The following PER3 variants were observed in gnomAD, a reference collection of about 807,000 sequenced individuals.
PER3 encodes the protein period circadian protein homolog 3.
Under a neutral mutation model 127.2 loss-of-function variants are expected in PER3, and 107 were observed. The observed-to-expected ratio is 0.84, with a 90% CI of 0.72 to 0.99. The LOEUF is 0.99. Among genes scored for constraint, PER3 ranks in the 50% least tolerant of loss-of-function variants. PER3 has a pLI of 0.00. For missense variants in PER3, 1,560 were observed against 1,525.8 expected (o/e 1.02, Z -0.37); for synonymous variants, 618 against 585.8 (o/e 1.05, Z -0.79).
At chr1:7,818,994 G>A (rs140262742) in intron 13 of PER3, among the ~76,000 whole-genome samples, 46 of 152,170 alleles carry the variant, frequency 3.0e-4, no homozygotes, top group Admixed American at 5.2e-4. Flanking sequence ...TTAAACCTAT[G>A]GTTTCATTCC....
Position 7,826,263 on chromosome 1 carries a change from TATTG to T in PER3, c.1958-213_1958-210del, listed in dbSNP as rs1280718804. Reference sequence around the variant, plus strand: ...AGCAAGATTTAAATAAATGTGTGCATATTGATTATCACAACTGTAAAATGTATGT... The same window carrying T: ...AGCAAGATTTAAATAAATGTGTGCATATTATCACAACTGTAAAATGTATGT... On this transcript the variant is annotated intron_variant, in intron 16 of 21. Transcript: ENST00000377532. This position sits in a 1 kb window ranked among gnomAD's most constrained non-coding sequence, Gnocchi z 4.2. Among the ~76,000 whole-genome samples, 14 of 152,218 alleles carry T rather than the reference TATTG, an allele frequency of 9.2e-5. No individual in the cohort carries two copies. The highest frequency in any genetic ancestry group is 1.9e-4 in the East Asian group (1 of 5,200).
At position 7,786,662 on chromosome 1, in the gene PER3, T is replaced by C. The variant is rs2097092456; in HGVS notation, c.275-59T>C. 6 of 868,948 alleles carry C rather than the reference T, an allele frequency of 6.9e-6. No individual in the cohort carries two copies. In the Middle Eastern group the frequency reaches 8.7e-4, roughly 126 times the overall value. The allele number at this position is 868,948 out of a possible 1,614,324, so 53.8% of individuals were successfully genotyped here. A position where few individuals can be genotyped will look rare whatever the true frequency, so the allele number is the denominator to read the frequency against. On this transcript the variant is annotated intron_variant, in intron 3 of 21. Coordinates refer to ENST00000377532, the MANE Select transcript of PER3 (RefSeq NM_001377275.1). ...ATAATCCAGCTTGATAGTGATGAAATGGTTTCCTAAAGATACTGTTGTCAC... is the reference window on the plus strand; with the variant it reads ...ATAATCCAGCTTGATAGTGATGAAACGGTTTCCTAAAGATACTGTTGTCAC...
Position 7,827,762 on chromosome 1 carries a change from C to T in PER3, c.2833C>T (p.Pro945Ser), listed in dbSNP as rs368825146. 1.2e-6 allele frequency: 2 copies of T among 1,614,036 alleles called. No homozygotes were observed. The highest frequency in any genetic ancestry group is 1.7e-6 in the Non-Finnish European group (2 of 1,180,034). Residue 945 changes from proline to serine, a missense_variant, in exon 18 of 22, where the codon CCC (proline) becomes TCC (serine). Coordinates refer to ENST00000377532, the MANE Select transcript of PER3 (RefSeq NM_001377275.1). ...LNLLQEEMPR[P>S]SESPDQMRRN... ...CTTACTTCAGGAAGAGATGCCCAGA[C>T]CCTCTGAATCTCCAGATCAGATGAG...
At chr1:7,821,708 A>T (rs367653416) in intron 16 of PER3, among the ~76,000 whole-genome samples, 30 of 152,314 alleles carry the variant, frequency 2.0e-4, no homozygotes, top group African/African-American at 5.5e-4. Context: ...TATATGCTTT[A>T]GGAAATTTTT....
intron 13 of PER3, among the ~76,000 whole-genome samples, chr1:7,816,913 A>G (rs2097254134): frequency 6.6e-6 from 1 of 152,268 alleles, no homozygotes; most frequent in Admixed American, 6.5e-5. Flanking sequence ...GAAACAACCC[A>G]AATGTCATTC....
intron 10 of PER3, among the ~76,000 whole-genome samples, chr1:7,806,223 TCA>T (rs2097191942): frequency 6.6e-6 from 1 of 152,168 alleles, no homozygotes; most frequent in Admixed American, 6.5e-5. Flanking sequence ...TGTATCTCTC[TCA>T]GTCCTTCCCA....
At chr1:7,808,792 G>A in intron 10 of PER3, 101 bp from the exon 11 acceptor site, 1 of 680,334 alleles carries the variant, frequency 1.5e-6, no homozygotes, top group Non-Finnish European at 2.6e-6. Context: ...TCAAAGAATT[G>A]TTTTGTAAAA....
chr1:7,795,536 G>A (rs1033429959), intron 6 of PER3, among the ~76,000 whole-genome samples: 8 of 152,230 alleles, frequency 5.3e-5, no homozygotes, highest in Non-Finnish European at 2.9e-5. Context: ...GGGGTGGCAA[G>A]TGTCTGAGAA....
intron 3 of PER3, among the ~76,000 whole-genome samples, chr1:7,785,872 T>G (rs2097086574): frequency 6.6e-6 from 1 of 152,240 alleles, no homozygotes; most frequent in African/African-American, 2.4e-5. Flanking sequence ...AGGCTGACCT[T>G]TTAAAGAAAT....
intron 13 of PER3, among the ~76,000 whole-genome samples, chr1:7,817,496 C>T (rs763747304): frequency 3.9e-5 from 6 of 152,150 alleles, no homozygotes; most frequent in Non-Finnish European, 8.8e-5. Context: ...TTGGTGTATT[C>T]GTTTCCCACC....
intron 6 of PER3, among the ~76,000 whole-genome samples, chr1:7,795,098 T>TG (rs909466217): frequency 1.2e-4 from 18 of 151,778 alleles, no homozygotes; most frequent in African/African-American, 4.1e-4. Flanking sequence ...TCTGGATGCT[T>TG]GGGGGGGACG....
intron 5 of PER3, among the ~76,000 whole-genome samples, chr1:7,793,410 T>C (rs2097130713): frequency 6.6e-6 from 1 of 152,218 alleles, no homozygotes. Flanking sequence ...CTCTGAAGAT[T>C]GGTACAGTTT....
chr1:7,832,923 C>T (rs1577947619), intron 19 of PER3, among the ~76,000 whole-genome samples: 3 of 151,612 alleles, frequency 2.0e-5, no homozygotes, highest in Non-Finnish European at 4.4e-5. Flanking sequence ...ACTGCACCCT[C>T]AAACTTCTGG....
Position 7,838,951 on chromosome 1 carries a change from G to A in PER3, c.3549+1802G>A, listed in dbSNP as rs906003962. On this transcript the variant is annotated intron_variant, in intron 21 of 21. Coordinates refer to ENST00000377532, the MANE Select transcript of PER3 (RefSeq NM_001377275.1). ...CCCATTTACATTTAAAGTAATTACTGGTAAAGAAGGACTTACTTGTGGCAT... is the reference window on the plus strand; with the variant it reads ...CCCATTTACATTTAAAGTAATTACTAGTAAAGAAGGACTTACTTGTGGCAT... Among the ~76,000 whole-genome samples, 8 of 150,826 alleles carry A rather than the reference G, an allele frequency of 5.3e-5. No homozygotes were observed. In the East Asian group the frequency reaches 5.8e-4, roughly 11 times the overall value.
intron 10 of PER3, 34 bp from the exon 11 acceptor site, chr1:7,808,859 T>A (rs1474785979): frequency 9.5e-7 from 1 of 1,057,508 alleles, no homozygotes; most frequent in Non-Finnish European, 1.5e-6. Flanking sequence ...TCATTTAAAT[T>A]GTTTGACTCA....
At chr1:7,832,189 C>T (rs2097334302) in intron 19 of PER3, among the ~76,000 whole-genome samples, 2 of 151,840 alleles carry the variant, frequency 1.3e-5, no homozygotes, top group African/African-American at 4.8e-5. Context: ...ATTCCCTTTT[C>T]CTTTTAATGT....
intron 6 of PER3, among the ~76,000 whole-genome samples, 169 bp downstream of exon 6, chr1:7,794,177 A>G (rs2097134792): frequency 6.6e-6 from 1 of 152,208 alleles, no homozygotes; most frequent in Non-Finnish European, 1.5e-5. Flanking sequence ...AGACATACTC[A>G]TGAGAAAACT....
intron 16 of PER3, among the ~76,000 whole-genome samples, chr1:7,825,589 T>G (rs1305599014): frequency 6.6e-6 from 1 of 152,178 alleles, no homozygotes; most frequent in Non-Finnish European, 1.5e-5. Context: ...TCATCCTCGT[T>G]CATATGTAAT....
rs969172287 is a variant in PER3 at position 7,833,717 on chromosome 1, C to A, written c.3215-2045C>A. Among the ~76,000 whole-genome samples, 4 of 152,028 alleles carry A rather than the reference C, an allele frequency of 2.6e-5. 1 individual carries two copies. Among genetic ancestry groups the A allele is most frequent in the African/African-American group, 9.7e-5 (4 of 41,390 alleles). Reference sequence around the variant, plus strand: ...CTCAGCCTTTTAACTGCAATGCTTGCTTAGATTATTTACATTTAATGTGAA... The same window carrying A: ...CTCAGCCTTTTAACTGCAATGCTTGATTAGATTATTTACATTTAATGTGAA... On this transcript the variant is annotated intron_variant, in intron 19 of 21. Coordinates refer to ENST00000377532, the MANE Select transcript of PER3 (RefSeq NM_001377275.1).
Sources: allele counts gnomAD v4.1 joint callset (sites outside exome capture counted in the v4.1 genomes callset), GRCh38; gene constraint gnomAD v4.1.1; non-coding constraint Gnocchi (gnomAD v3.1); transcripts MANE v1.5; gene names NCBI Gene and HGNC (gene_info 2026-07-23, HGNC 2026-07-21).